Variants in NRXN1 observed in about 807,000 individuals in gnomAD.
NRXN1 encodes neurexin 1.
In NRXN1, 39 loss-of-function variants were observed where a neutral mutation model predicts 150.9. The ratio of observed to expected loss-of-function variants is 0.26; its 90% CI spans 0.20 to 0.34. NRXN1 has a LOEUF of 0.34. Ranked by LOEUF, NRXN1 falls within the 10% of genes least tolerant of loss-of-function variation. The probability of loss-of-function intolerance (pLI) is 1.00; values close to 1 mark genes in which losing one functional copy is unlikely to be tolerated. For synonymous variants in NRXN1, 924 were observed against 757.0 expected, an observed-to-expected ratio of 1.22 and a Z score of -3.62; for missense variants, 1,815 against 1,949.9, an observed-to-expected ratio of 0.93 and a Z score of 1.30.
chr2:50,346,669 G>T lies in NRXN1; in HGVS notation c.3365-109699C>A. The T allele has an allele frequency of 6.2e-7, 1 of 1,611,802 alleles. No individual in the cohort carries two copies. The highest frequency in any genetic ancestry group is 8.5e-7 in the Non-Finnish European group (1 of 1,178,446). ...AGGGGAGCGAGGGGATAACCCGCGA[G>T]AACTTGGCATCGCAGACCCACCGTG... On this transcript the variant is annotated intron_variant, in intron 17 of 22. Coordinates refer to ENST00000401669, the MANE Select transcript of NRXN1 (RefSeq NM_001330078.2). The surrounding 1 kb of genome is among the most constrained non-coding windows in gnomAD (Gnocchi z 5.0).
intron 17 of NRXN1, among the ~76,000 whole-genome samples, chr2:50,252,759 A>G (rs769313814): frequency 2.1e-4 from 32 of 152,178 alleles, no homozygotes; most frequent in African/African-American, 7.7e-4. Flanking sequence ...TGAGATCTCT[A>G]AACTGTTCCA....
At chr2:49,978,728 A>AG (rs1415413923) in intron 21 of NRXN1, among the ~76,000 whole-genome samples, 1 of 152,012 alleles carries the variant, frequency 6.6e-6, no homozygotes, top group African/African-American at 2.4e-5. Flanking sequence ...AAAAAAAAAA[A>AG]AAAGATGACC....
intron 5 of NRXN1, among the ~76,000 whole-genome samples, chr2:50,738,729 A>G (rs1402454901): frequency 6.6e-6 from 1 of 152,186 alleles, no homozygotes; most frequent in Non-Finnish European, 1.5e-5. Context: ...TGCTAAAGAA[A>G]GGCCTTGAGG....
At chr2:49,991,126 T>C (rs909350007) in intron 21 of NRXN1, among the ~76,000 whole-genome samples, 1 of 152,166 alleles carries the variant, frequency 6.6e-6, no homozygotes, top group Non-Finnish European at 1.5e-5. Flanking sequence ...ACTAACATCA[T>C]ATGTAATAGT....
intron 18 of NRXN1, among the ~76,000 whole-genome samples, chr2:50,205,793 T>C (rs1258704329): frequency 1.3e-5 from 2 of 152,114 alleles, no homozygotes; most frequent in Non-Finnish European, 2.9e-5. Flanking sequence ...GAAATACTGA[T>C]ACATGTTACA....
chr2:50,663,107 A>T (rs148571475), intron 5 of NRXN1, among the ~76,000 whole-genome samples: 185 of 152,190 alleles, frequency 1.2e-3, no homozygotes, highest in African/African-American at 3.5e-3. Flanking sequence ...TGTCCAAGAC[A>T]TCTTCATCTG....
chr2:50,366,082 A>G (rs1361258794), intron 17 of NRXN1, among the ~76,000 whole-genome samples: 1 of 151,556 alleles, frequency 6.6e-6, no homozygotes, highest in African/African-American at 2.4e-5. Context: ...CCTTAATCCA[A>G]TAGCAGATAA....
At chr2:50,137,960 G>C (rs928818566) in intron 18 of NRXN1, among the ~76,000 whole-genome samples, 3 of 152,156 alleles carry the variant, frequency 2.0e-5, no homozygotes, top group Non-Finnish European at 4.4e-5. Context: ...TACTTTGCCA[G>C]TTACTTTGGT....
intron 19 of NRXN1, among the ~76,000 whole-genome samples, chr2:50,085,150 C>T (rs530995798): frequency 2.4e-4 from 36 of 152,170 alleles, no homozygotes; most frequent in African/African-American, 8.4e-4. Flanking sequence ...GGAAACCAAA[C>T]ATTTATATAT....
chr2:50,801,079 T>A (rs756395397), intron 5 of NRXN1, among the ~76,000 whole-genome samples: 3 of 152,196 alleles, frequency 2.0e-5, no homozygotes, highest in Non-Finnish European at 4.4e-5. Context: ...TTTTCCAATT[T>A]TTAAATTTCT....
chr2:50,247,065 T>G (rs896455988), intron 17 of NRXN1, among the ~76,000 whole-genome samples: 1 of 152,108 alleles, frequency 6.6e-6, no homozygotes, highest in African/African-American at 2.4e-5. Context: ...TTTATTTATG[T>G]GATCCATCCC....
At chr2:50,332,345 T>C (rs2076891430) in intron 17 of NRXN1, among the ~76,000 whole-genome samples, 1 of 152,182 alleles carries the variant, frequency 6.6e-6, no homozygotes, top group Non-Finnish European at 1.5e-5. Flanking sequence ...CACTGAGATA[T>C]AACAAAAACC....
At chr2:50,664,634 T>C (rs1687770237) in intron 5 of NRXN1, among the ~76,000 whole-genome samples, 2 of 151,918 alleles carry the variant, frequency 1.3e-5, no homozygotes, top group African/African-American at 2.4e-5. Context: ...TGTCCTTCAC[T>C]GTCTGGGCAT....
intron 17 of NRXN1, among the ~76,000 whole-genome samples, chr2:50,260,561 A>G (rs556385332): frequency 1.3e-5 from 2 of 150,448 alleles, no homozygotes; most frequent in South Asian, 4.2e-4. Flanking sequence ...CATAATTCCT[A>G]TTCAATCACT....
intron 2 of NRXN1, among the ~76,000 whole-genome samples, chr2:50,937,459 G>A (rs917017384): frequency 3.3e-5 from 5 of 152,094 alleles, no homozygotes; most frequent in Admixed American, 6.6e-5. Flanking sequence ...TTTACTTGCC[G>A]CAGTGAGCTT....
intron 5 of NRXN1, among the ~76,000 whole-genome samples, chr2:50,779,383 GTATA>G (rs1479808066): frequency 6.6e-6 from 1 of 152,206 alleles, no homozygotes; most frequent in Non-Finnish European, 1.5e-5. Flanking sequence ...GTATTCCATG[GTATA>G]TATGTGCCAC....
chr2:50,499,023 C>A (rs956230543), intron 13 of NRXN1, among the ~76,000 whole-genome samples: 1 of 152,146 alleles, frequency 6.6e-6, no homozygotes, highest in Non-Finnish European at 1.5e-5. Context: ...ACTGAACAAC[C>A]ACCTATGTGT....
At chr2:50,502,350 C>G (rs1286559087) in intron 13 of NRXN1, among the ~76,000 whole-genome samples, 3 of 152,002 alleles carry the variant, frequency 2.0e-5, no homozygotes, top group Non-Finnish European at 4.4e-5. Context: ...GTAAAGTAAT[C>G]CTGACTTATT....
At chr2:50,242,312 CA>C (rs1368113655) in intron 17 of NRXN1, among the ~76,000 whole-genome samples, 1 of 151,712 alleles carries the variant, frequency 6.6e-6, no homozygotes, top group Non-Finnish European at 1.5e-5. Flanking sequence ...TCATAAAAAG[CA>C]AAAGCACAGA....
Sources: allele counts gnomAD v4.1 joint callset (sites outside exome capture counted in the v4.1 genomes callset), GRCh38; gene constraint gnomAD v4.1.1; non-coding constraint Gnocchi (gnomAD v3.1); transcripts MANE v1.5; gene names NCBI Gene and HGNC (gene_info 2026-07-23, HGNC 2026-07-21).